PLEKHA2: variants seen among roughly 807,000 people sequenced by gnomAD.
The protein encoded by PLEKHA2 is pleckstrin homology domain containing A2, also known as pleckstrin homology domain-containing family A member 2.
A neutral mutation model predicts 53.2 loss-of-function variants in PLEKHA2; 28 were observed. The observed-to-expected ratio is 0.53, with a 90% CI of 0.39 to 0.72. PLEKHA2 has a LOEUF of 0.72. PLEKHA2 is among the 30% of genes least tolerant of loss of function. The pLI is 0.00. For synonymous variants in PLEKHA2, 193 were observed against 196.4 expected (o/e 0.98, Z 0.14); for missense variants, 426 against 537.9 (o/e 0.79, Z 2.06).
At chr8:38,932,439 T>G (rs1834411144) in intron 2 of PLEKHA2, among the ~76,000 whole-genome samples, 1 of 151,864 alleles carries the variant, frequency 6.6e-6, no homozygotes. Context: ...GAGTCCTGAG[T>G]TTGTCCTTTT....
intron 2 of PLEKHA2, among the ~76,000 whole-genome samples, chr8:38,918,494 A>C (rs1305444310): frequency 5.8e-4 from 46 of 79,530 alleles, no homozygotes; most frequent in East Asian, 1.4e-3. Context: ...CATACACACA[A>C]CCCATACACC....
At chr8:38,928,094 A>G (rs1834319591) in intron 2 of PLEKHA2, among the ~76,000 whole-genome samples, 1 of 152,004 alleles carries the variant, frequency 6.6e-6, no homozygotes, top group African/African-American at 2.4e-5. Flanking sequence ...AATGACATTG[A>G]GTTTGAGGCT....
At chr8:38,920,361 A>G (rs192169856) in intron 2 of PLEKHA2, among the ~76,000 whole-genome samples, 26 of 151,912 alleles carry the variant, frequency 1.7e-4, no homozygotes, top group South Asian at 8.3e-4. Flanking sequence ...TCACTGTGTT[A>G]GCCAGGATGG....
Position 38,972,893 on chromosome 8 carries a change from A to G in PLEKHA2, c.*3110A>G, listed in dbSNP as rs1349313542. 1 of 152,114 alleles carries G rather than the reference A, an allele frequency of 6.6e-6. No individual in the cohort carries two copies. Among genetic ancestry groups the G allele is most frequent in the East Asian group, 1.9e-4 (1 of 5,196 alleles). The allele number at this position is 152,114 out of a possible 1,614,324, so 9.4% of individuals were successfully genotyped here. A position where few individuals can be genotyped will look rare whatever the true frequency, so the allele number is the denominator to read the frequency against. On this transcript the variant is annotated 3_prime_UTR_variant, in exon 12 of 12. Transcript: ENST00000617275. Reference sequence around the variant, plus strand: ...GTCTTGACCCACTGTGTGTAACAGTATTTCAGGTGGTCCTCCCCATGGCTG... The same window carrying G: ...GTCTTGACCCACTGTGTGTAACAGTGTTTCAGGTGGTCCTCCCCATGGCTG...
At chr8:38,935,493 A>G (rs543031942) in intron 2 of PLEKHA2, among the ~76,000 whole-genome samples, 4 of 150,860 alleles carry the variant, frequency 2.7e-5, no homozygotes, top group Admixed American at 6.6e-5. Context: ...AACACAGCTT[A>G]CCGCAGCCTC....
chr8:38,969,333 G>A (rs1430891227), intron 11 of PLEKHA2, 88 bp from the exon 12 acceptor site: 1 of 1,463,692 alleles, frequency 6.8e-7, no homozygotes, highest in Non-Finnish European at 9.2e-7. Context: ...GGTGATCCTG[G>A]TTGGGTACTC....
intron 4 of PLEKHA2, among the ~76,000 whole-genome samples, chr8:38,944,637 C>A (rs1471811039): frequency 6.6e-6 from 1 of 152,134 alleles, no homozygotes; most frequent in Non-Finnish European, 1.5e-5. Context: ...TATTATGACA[C>A]AACAGCATGG....
chr8:38,903,267 T>A (rs996126902), intron 1 of PLEKHA2, among the ~76,000 whole-genome samples: 1 of 152,246 alleles, frequency 6.6e-6, no homozygotes, highest in African/African-American at 2.4e-5. Context: ...ATGGCACTCC[T>A]AGTGGGGTTT....
At position 38,935,999 on chromosome 8, in the gene PLEKHA2, G is replaced by A; in HGVS notation, c.147G>A (p.Leu49=). Residue 49 remains leucine, a synonymous_variant, in exon 3 of 12, where the codon CTG becomes CTA. Coordinates refer to ENST00000617275, the MANE Select transcript of PLEKHA2 (RefSeq NM_021623.2). ...LLWYMDNPQN[L]AMGAGAVGAL... ...GAAAACTATGTGTCTTTCAGAATCT[G>A]GCAATGGGGGCAGGAGCTGTTGGAG... 1 of 1,613,500 alleles carries A rather than the reference G, an allele frequency of 6.2e-7. No individual in the cohort carries two copies. The highest frequency in any genetic ancestry group is 8.5e-7 in the Non-Finnish European group (1 of 1,179,534).
rs1306948679 is a variant in PLEKHA2, at chr8:38,969,777, T to C, written c.1272T>C (p.Asp424=). 6.5e-7 allele frequency: 1 copy of C among 1,535,100 alleles called. No individual in the cohort carries two copies. The highest frequency in any genetic ancestry group is 8.8e-7 in the Non-Finnish European group (1 of 1,139,170). The change falls in exon 12 of 12, where the codon GAT becomes GAC. Residue 424 remains aspartate, a synonymous_variant. Transcript: ENST00000617275. The part of the protein sequence containing the change: ...NLDDENIRTS[D]V ...ATGATGAAAACATACGGACCTCTGA[T>C]GTGTGATGGAGCACAGTGCCATGGG...
At chr8:38,964,497 T>A (rs946786657) in intron 10 of PLEKHA2, among the ~76,000 whole-genome samples, 1 of 152,076 alleles carries the variant, frequency 6.6e-6, no homozygotes, top group East Asian at 1.9e-4. Context: ...GGTGGAACAG[T>A]TTCATCCCGA....
intron 9 of PLEKHA2, among the ~76,000 whole-genome samples, chr8:38,954,194 C>A (rs934910075): frequency 1.3e-5 from 2 of 152,214 alleles, no homozygotes; most frequent in African/African-American, 2.4e-5. Context: ...CATGAAGGCA[C>A]AAACAGTCTT....
chr8:38,902,710 GA>G (rs1833811119), intron 1 of PLEKHA2, among the ~76,000 whole-genome samples: 1 of 152,176 alleles, frequency 6.6e-6, no homozygotes, highest in Non-Finnish European at 1.5e-5. Context: ...TGAAAGAATA[GA>G]AGTTTTTGCT....
At chr8:38,931,840 T>C (rs1362834894) in intron 2 of PLEKHA2, among the ~76,000 whole-genome samples, 1 of 152,230 alleles carries the variant, frequency 6.6e-6, no homozygotes, top group Non-Finnish European at 1.5e-5. Context: ...GATTTTGTCC[T>C]GTTGACCAGC....
In PLEKHA2 at chr8:38,973,479, G is replaced by T. The variant is rs1835289689; in HGVS notation, c.*3696G>T. 1 of 151,880 alleles carries T rather than the reference G, an allele frequency of 6.6e-6. No individual in the cohort carries two copies. Among genetic ancestry groups the T allele is most frequent in the African/African-American group, 2.4e-5 (1 of 41,346 alleles). 9.4% of individuals were successfully genotyped at this position (151,880 alleles called of 1,614,324 possible). ...GTTTTCAGTATAAATTAGATAACATGTGGAGGTCACAGCATTTTGGAAATT... is the reference window on the plus strand; with the variant it reads ...GTTTTCAGTATAAATTAGATAACATTTGGAGGTCACAGCATTTTGGAAATT... On this transcript the variant is annotated 3_prime_UTR_variant, in exon 12 of 12. Coordinates refer to ENST00000617275, the MANE Select transcript of PLEKHA2 (RefSeq NM_021623.2).
chr8:38,946,315 G>T, intron 5 of PLEKHA2, 94 bp downstream of exon 5: 1 of 1,094,838 alleles, frequency 9.1e-7, no homozygotes, highest in East Asian at 2.6e-5. Flanking sequence ...AGATGGCAGC[G>T]GGGACTTTCC....
At chr8:38,909,510 T>A (rs1833925151) in intron 1 of PLEKHA2, among the ~76,000 whole-genome samples, 1 of 152,186 alleles carries the variant, frequency 6.6e-6, no homozygotes, top group African/African-American at 2.4e-5. Context: ...TTTCTCAGGG[T>A]CTGGGTCCCA....
intron 1 of PLEKHA2, among the ~76,000 whole-genome samples, chr8:38,910,343 GGA>G (rs1240369088): frequency 1.3e-5 from 2 of 152,056 alleles, no homozygotes; most frequent in South Asian, 4.1e-4. Context: ...GAGAAGAGAG[GGA>G]GAGAGAGAAT....
chr8:38,918,139 G>T, intron 2 of PLEKHA2, 69 bp downstream of exon 2: 1 of 1,545,650 alleles, frequency 6.5e-7, no homozygotes. Context: ...ATGCACACAG[G>T]GTTAGCCTCC....
Sources: gnomAD v4.1 joint callset for allele counts (sites outside exome capture counted in the v4.1 genomes callset) on GRCh38, gnomAD v4.1.1 for gene constraint, MANE v1.5 for transcripts, NCBI Gene and HGNC (gene_info 2026-07-23, HGNC 2026-07-21) for gene names.